Variants in SAMD12 observed in about 807,000 individuals in gnomAD.
SAMD12 encodes sterile alpha motif domain-containing protein 12.
A neutral mutation model predicts 15.0 loss-of-function variants in SAMD12; 9 were observed. That is an observed-to-expected ratio of 0.60 (90% CI 0.36 to 1.05). SAMD12 has a LOEUF of 1.05. Among genes scored for constraint, SAMD12 ranks in the 50% least tolerant of loss-of-function variants. SAMD12 has a pLI of 0.01. For synonymous variants in SAMD12, 86 were observed against 90.1 expected (o/e 0.96, Z 0.25); for missense variants, 230 against 234.2 (o/e 0.98, Z 0.12).
In SAMD12 at chr8:118,433,446, C is replaced by T. The variant is rs527913320; in HGVS notation, c.322+6386G>A. 9.4e-5 allele frequency among the ~76,000 whole-genome samples: 14 copies of T among 148,334 alleles called. No homozygotes were observed. In the East Asian group the frequency reaches 2.8e-3, roughly 29 times the overall value. ...TTTTCTTAAATTGATCCCATAAATC[C>T]TTGGAAGACATCTAAAGTCCTTTCC... On this transcript the variant is annotated intron_variant, in intron 3 of 3. Transcript: ENST00000314727.
At chr8:118,159,194 C>A in the SAMD12 span, among the ~76,000 whole-genome samples, 2 of 152,164 alleles carry the variant, frequency 1.3e-5, no homozygotes, top group East Asian at 1.9e-4. Flanking sequence ...GCTATGACAT[C>A]ATCTTTGGGG....
chr8:118,385,486 G>T (rs569537919), intron 3 of SAMD12, among the ~76,000 whole-genome samples: 6 of 152,296 alleles, frequency 3.9e-5, no homozygotes, highest in South Asian at 4.1e-4. Flanking sequence ...CACTGGTTCT[G>T]CAGATTCTGG....
At chr8:118,229,544 T>A (rs1307574677) in intron 4 of SAMD12, among the ~76,000 whole-genome samples, 1 of 152,164 alleles carries the variant, frequency 6.6e-6, no homozygotes, top group Admixed American at 6.6e-5. Flanking sequence ...CTATGGACAT[T>A]GAGACCTGCT....
chr8:118,276,155 A>G (rs923790314), intron 4 of SAMD12, among the ~76,000 whole-genome samples: 2 of 152,220 alleles, frequency 1.3e-5, no homozygotes, highest in African/African-American at 4.8e-5. Context: ...ATAGTGTTCC[A>G]TATAAGGCCA....
chr8:118,379,665 C>T lies in SAMD12; in HGVS notation c.358G>A (p.Glu120Lys), dbSNP rs764739865. ...ALLRLTDKKL[E>K]RMGIAQENLR... ...TTCTCCTGGGCAATCCCCATTCGCTCGAGCTTTTTGTCAGTAAGTCTCAGC... is the reference window on the plus strand; with the variant it reads ...TTCTCCTGGGCAATCCCCATTCGCTTGAGCTTTTTGTCAGTAAGTCTCAGC... The change falls in exon 4 of 4, where the codon GAG becomes AAG. Residue 120 changes from glutamate (E) to lysine (K), a missense_variant. Coordinates refer to ENST00000314727, the MANE Select transcript of SAMD12 (RefSeq NM_207506.3). 51 of 1,613,724 alleles carry T rather than the reference C, an allele frequency of 3.2e-5. No homozygotes were observed. The highest frequency in any genetic ancestry group is 1.7e-4 in the Admixed American group (10 of 59,970).
intron 4 of SAMD12, among the ~76,000 whole-genome samples, chr8:118,227,283 C>T (rs1812208357): frequency 6.6e-6 from 1 of 152,132 alleles, no homozygotes; most frequent in African/African-American, 2.4e-5. Context: ...ACAAATATCA[C>T]ATCTTCTCAC....
chr8:118,379,407 G>GGTGCTGCTGCTTCACAGATTGT lies in SAMD12; in HGVS notation c.*9_*10insACAATCTGTGAAGCAGCAGCAC. The GGTGCTGCTGCTTCACAGATTGT allele has an allele frequency of 6.2e-7, 1 of 1,609,164 alleles. No homozygotes were observed. Among genetic ancestry groups the GGTGCTGCTGCTTCACAGATTGT allele is most frequent in the Non-Finnish European group, 8.5e-7 (1 of 1,177,166 alleles). On this transcript the variant is annotated 3_prime_UTR_variant, in exon 4 of 4. Coordinates refer to ENST00000314727, the MANE Select transcript of SAMD12 (RefSeq NM_207506.3). ...TGAGCTATGAAAAAAGTTTTCAAAGGGAAGTAATCTTAAATCTGTATACTA... is the reference window on the plus strand; with the variant it reads ...TGAGCTATGAAAAAAGTTTTCAAAGGGTGCTGCTGCTTCACAGATTGTGAAGTAATCTTAAATCTGTATACTA...
At chr8:118,226,959 G>T (rs965812684) in intron 4 of SAMD12, among the ~76,000 whole-genome samples, 2 of 152,170 alleles carry the variant, frequency 1.3e-5, no homozygotes, top group African/African-American at 2.4e-5. Context: ...ACTGAACCAG[G>T]AATTAGAGGA....
chr8:118,512,868 T>C (rs1163558414), intron 2 of SAMD12, among the ~76,000 whole-genome samples: 1 of 152,210 alleles, frequency 6.6e-6, no homozygotes, highest in East Asian at 1.9e-4. Context: ...CTGTGACGCT[T>C]TTCCCAATCT....
At chr8:118,603,315 T>A (rs1014745329) in intron 1 of SAMD12, among the ~76,000 whole-genome samples, 6 of 152,134 alleles carry the variant, frequency 3.9e-5, no homozygotes, top group Non-Finnish European at 8.8e-5. Context: ...GACTCAAACC[T>A]AGGCATATTC....
chr8:118,386,117 TA>T (rs1305704090), intron 3 of SAMD12, among the ~76,000 whole-genome samples: 2 of 152,314 alleles, frequency 1.3e-5, no homozygotes, highest in African/African-American at 4.8e-5. Flanking sequence ...ATGGTTGCCA[TA>T]ACAAACTATC....
At chr8:118,411,088 A>T (rs1355082326) in intron 3 of SAMD12, among the ~76,000 whole-genome samples, 1 of 152,216 alleles carries the variant, frequency 6.6e-6, no homozygotes, top group African/African-American at 2.4e-5. Context: ...TGTTGAGTAT[A>T]GTATTTTAGA....
intron 4 of SAMD12, among the ~76,000 whole-genome samples, chr8:118,337,148 C>T (rs1296842712): frequency 6.7e-6 from 1 of 148,624 alleles, no homozygotes; most frequent in Admixed American, 6.8e-5. Flanking sequence ...TACCCTAGAA[C>T]TTAAAGTATA....
chr8:118,228,905 T>C (rs1053636425), intron 4 of SAMD12, among the ~76,000 whole-genome samples: 7 of 152,136 alleles, frequency 4.6e-5, no homozygotes, highest in Admixed American at 3.9e-4. Flanking sequence ...CATCAGTCAA[T>C]GAGTGGATAA....
chr8:118,536,503 C>T (rs540690169), intron 2 of SAMD12, among the ~76,000 whole-genome samples: 5 of 149,434 alleles, frequency 3.3e-5, no homozygotes, highest in African/African-American at 1.2e-4. Flanking sequence ...TACAGAGGCC[C>T]AGACTTATGT....
rs1319242857 is a variant in SAMD12 at position 118,379,341 on chromosome 8, G to A, written c.*76C>T. 1.0e-5 allele frequency: 16 copies of A among 1,533,754 alleles called. No individual in the cohort carries two copies. Among genetic ancestry groups the A allele is most frequent in the African/African-American group, 1.4e-5 (1 of 73,314 alleles). On this transcript the variant is annotated 3_prime_UTR_variant, in exon 4 of 4. Coordinates refer to ENST00000314727, the MANE Select transcript of SAMD12 (RefSeq NM_207506.3). Reference sequence around the variant, plus strand: ...CCTTGAAGTTAGCTCAGGTAATTCTGTTTGCTCATCCATTACTTATTTGTG... The same window carrying A: ...CCTTGAAGTTAGCTCAGGTAATTCTATTTGCTCATCCATTACTTATTTGTG...
the SAMD12 span, among the ~76,000 whole-genome samples, chr8:118,142,534 G>A: frequency 6.6e-6 from 1 of 152,194 alleles, no homozygotes; most frequent in African/African-American, 2.4e-5. Flanking sequence ...AACTGTCTTC[G>A]GCATTGGGAA....
At chr8:118,348,814 A>G (rs1053773235) in intron 4 of SAMD12, among the ~76,000 whole-genome samples, 126 of 152,342 alleles carry the variant, frequency 8.3e-4, no homozygotes, top group African/African-American at 2.9e-3. Flanking sequence ...GGTCAGACAA[A>G]GGTAGCCTGA....
At chr8:118,520,451 G>C (rs372336791) in intron 2 of SAMD12, among the ~76,000 whole-genome samples, 1 of 152,096 alleles carries the variant, frequency 6.6e-6, no homozygotes, top group East Asian at 1.9e-4. Flanking sequence ...ATTTTTCTCC[G>C]CATTATTAGG....
Sources: allele counts gnomAD v4.1 joint callset (sites outside exome capture counted in the v4.1 genomes callset), GRCh38; gene constraint gnomAD v4.1.1; transcripts MANE v1.5; gene names NCBI Gene and HGNC (gene_info 2026-07-23, HGNC 2026-07-21).